The following CERS6 variants were observed in gnomAD, a reference collection of about 807,000 sequenced individuals.
The protein encoded by CERS6 is ceramide synthase 6, also known as LAG1 homolog, ceramide synthase 6.
A neutral mutation model predicts 56.8 loss-of-function variants in CERS6; 26 were observed. The ratio of observed to expected loss-of-function variants is 0.46; its 90% CI spans 0.34 to 0.63. The LOEUF (loss-of-function observed/expected upper bound fraction) is 0.63, where lower values mean the gene tolerates loss of function less well. Among genes scored for constraint, CERS6 ranks in the 30% least tolerant of loss-of-function variants. The probability of loss-of-function intolerance (pLI) is 0.01; values close to 1 mark genes in which losing one functional copy is unlikely to be tolerated. For missense variants in CERS6, 415 were observed against 467.5 expected, an observed-to-expected ratio of 0.89 and a Z score of 1.04; for synonymous variants, 164 against 173.3, an observed-to-expected ratio of 0.95 and a Z score of 0.42.
At chr2:168,613,330 A>T (rs930754996) in intron 3 of CERS6, among the ~76,000 whole-genome samples, 7 of 152,160 alleles carry the variant, frequency 4.6e-5, no homozygotes, top group Admixed American at 4.6e-4. Flanking sequence ...GGAGTGGGTG[A>T]GTTCACCTAG....
chr2:168,543,436 T>C (rs1475038680), intron 1 of CERS6, among the ~76,000 whole-genome samples: 1 of 152,108 alleles, frequency 6.6e-6, no homozygotes. Context: ...AAAGACAGCC[T>C]TTGTGAACTT....
Position 168,528,515 on chromosome 2 carries a change from T to G in CERS6, c.171-19081T>G, listed in dbSNP as rs181651087. 2.9e-3 allele frequency among the ~76,000 whole-genome samples: 442 copies of G among 152,364 alleles called. 2 individuals are homozygous for G. Among genetic ancestry groups the G allele is most frequent in the Non-Finnish European group, 4.1e-3 (282 of 68,034 alleles). ...TAAATTCTGTTAAAATAATTTGTGA[T>G]TTCTGTTTTCCTGACTAGATCCTGA... On this transcript the variant is annotated intron_variant, in intron 1 of 9. Coordinates refer to ENST00000305747, the MANE Select transcript of CERS6 (RefSeq NM_203463.3).
intron 8 of CERS6, among the ~76,000 whole-genome samples, chr2:168,724,989 C>T (rs528135279): frequency 1.3e-5 from 2 of 152,306 alleles, no homozygotes; most frequent in Admixed American, 6.5e-5. Flanking sequence ...CAGGAGCCCA[C>T]GGAGGGGGTG....
At chr2:168,509,283 T>C (rs1694737024) in intron 1 of CERS6, among the ~76,000 whole-genome samples, 1 of 152,174 alleles carries the variant, frequency 6.6e-6, no homozygotes, top group Non-Finnish European at 1.5e-5. Flanking sequence ...GTAAAACCCA[T>C]GGAGAGCAAT....
chr2:168,667,493 TAA>T (rs533657352), intron 4 of CERS6, among the ~76,000 whole-genome samples: 16 of 152,228 alleles, frequency 1.1e-4, no homozygotes, highest in Non-Finnish European at 1.9e-4. Flanking sequence ...TCACATGAAA[TAA>T]AAGTTATCAG....
At chr2:168,725,637 CTTTA>C (rs1683328963) in intron 8 of CERS6, among the ~76,000 whole-genome samples, 2 of 152,186 alleles carry the variant, frequency 1.3e-5, no homozygotes, top group Non-Finnish European at 2.9e-5. Flanking sequence ...TTAACCAAGT[CTTTA>C]TTTATCATAT....
At chr2:168,556,789 A>G (rs919283963) in intron 2 of CERS6, among the ~76,000 whole-genome samples, 2 of 152,108 alleles carry the variant, frequency 1.3e-5, no homozygotes, top group Admixed American at 6.5e-5. Context: ...TACCACAGAT[A>G]TAAAATTTTA....
chr2:168,607,627 G>T (rs1284623395), intron 3 of CERS6, among the ~76,000 whole-genome samples: 1 of 152,204 alleles, frequency 6.6e-6, no homozygotes, highest in African/African-American at 2.4e-5. Flanking sequence ...TGATCCGCCT[G>T]CCTCGGCCTT....
chr2:168,716,339 T>C (rs1687225654), intron 7 of CERS6, among the ~76,000 whole-genome samples: 1 of 152,126 alleles, frequency 6.6e-6, no homozygotes, highest in South Asian at 2.1e-4. Flanking sequence ...TGTAGAAATT[T>C]ATGCTGCAAC....
At chr2:168,657,263 C>A (rs566647167) in intron 4 of CERS6, among the ~76,000 whole-genome samples, 3 of 152,152 alleles carry the variant, frequency 2.0e-5, no homozygotes, top group African/African-American at 7.2e-5. Context: ...TTGATTGGTG[C>A]ACTCACAAAC....
At chr2:168,643,413 C>T (rs1362905932) in intron 4 of CERS6, among the ~76,000 whole-genome samples, 1 of 152,078 alleles carries the variant, frequency 6.6e-6, no homozygotes, top group Non-Finnish European at 1.5e-5. Flanking sequence ...TCTTATTAGC[C>T]AGTTGTTTGA....
chr2:168,762,168 A>G (rs1431052588), intron 8 of CERS6, among the ~76,000 whole-genome samples: 2 of 152,186 alleles, frequency 1.3e-5, no homozygotes, highest in African/African-American at 4.8e-5. Flanking sequence ...AACTTAAATT[A>G]TAGTAAATAA....
intron 1 of CERS6, among the ~76,000 whole-genome samples, chr2:168,544,874 A>T (rs1412863935): frequency 1.3e-5 from 2 of 151,932 alleles, no homozygotes; most frequent in African/African-American, 4.8e-5. Context: ...TTCAGTGCCT[A>T]TCCTGACATC....
chr2:168,556,208 T>TA (rs11445383), intron 2 of CERS6, among the ~76,000 whole-genome samples: 3,117 of 152,118 alleles, frequency 0.02, 113 homozygotes, highest in East Asian at 0.17. Context: ...AAAATTTCAA[T>TA]AAAAAACAAA....
At chr2:168,474,165 G>A (rs1260452807) in intron 1 of CERS6, among the ~76,000 whole-genome samples, 1 of 152,218 alleles carries the variant, frequency 6.6e-6, no homozygotes, top group Non-Finnish European at 1.5e-5. Flanking sequence ...ATTTTCCAAT[G>A]TTGGTGAATG....
intron 2 of CERS6, among the ~76,000 whole-genome samples, chr2:168,559,732 AT>A (rs1695750372): frequency 5.0e-4 from 4 of 7,940 alleles, no homozygotes; most frequent in Non-Finnish European, 1.0e-3. Flanking sequence ...TTAGAAAGGT[AT>A]CATATATATA....
chr2:168,637,881 CT>C (rs1684899391), intron 4 of CERS6, among the ~76,000 whole-genome samples: 1 of 151,340 alleles, frequency 6.6e-6, no homozygotes, highest in Non-Finnish European at 1.5e-5. Context: ...ATCTTTAATA[CT>C]TTATTTTCTA....
chr2:168,630,874 G>C, intron 3 of CERS6, 111 bp from the exon 4 acceptor site: 1 of 496,840 alleles, frequency 2.0e-6, no homozygotes, highest in South Asian at 3.9e-5. Flanking sequence ...CCTTAGTTGA[G>C]GTAGGGGGAC....
intron 1 of CERS6, among the ~76,000 whole-genome samples, chr2:168,499,040 C>A (rs1275849208): frequency 6.6e-6 from 1 of 152,130 alleles, no homozygotes; most frequent in Non-Finnish European, 1.5e-5. Context: ...CATTCTCCCC[C>A]TTTTGGCTGA....
Sources: allele counts gnomAD v4.1 joint callset (sites outside exome capture counted in the v4.1 genomes callset), GRCh38; gene constraint gnomAD v4.1.1; transcripts MANE v1.5; gene names NCBI Gene and HGNC (gene_info 2026-07-23, HGNC 2026-07-21).